Variants in PHKB observed in about 807,000 individuals in gnomAD.
The protein encoded by PHKB is phosphorylase b kinase regulatory subunit beta.
PHKB carries 122 observed loss-of-function variants against 152.1 expected under a neutral mutation model. That is an observed-to-expected ratio of 0.80 (90% CI 0.69 to 0.93). The LOEUF (loss-of-function observed/expected upper bound fraction) is 0.93, where lower values mean the gene tolerates loss of function less well. Ranked by LOEUF, PHKB falls within the 40% of genes least tolerant of loss-of-function variation. The probability of loss-of-function intolerance (pLI) is 0.00; values close to 1 mark genes in which losing one functional copy is unlikely to be tolerated. For missense variants in PHKB, 1,304 were observed against 1,328.4 expected (o/e 0.98, Z 0.29); for synonymous variants, 436 against 464.9 (o/e 0.94, Z 0.80).
chr16:47,602,022 G>A (rs1972236913), intron 13 of PHKB, among the ~76,000 whole-genome samples: 1 of 152,098 alleles, frequency 6.6e-6, no homozygotes, highest in Non-Finnish European at 1.5e-5. Flanking sequence ...CAAACTCCCA[G>A]AATACTCAGG....
intron 6 of PHKB, among the ~76,000 whole-genome samples, chr16:47,541,307 C>T (rs1326546311): frequency 6.6e-6 from 1 of 152,170 alleles, no homozygotes; most frequent in Non-Finnish European, 1.5e-5. Context: ...TCATCCATGT[C>T]CCCGCAAAGG....
At chr16:47,680,377 T>C (rs1050501163) in intron 26 of PHKB, among the ~76,000 whole-genome samples, 27 of 152,146 alleles carry the variant, frequency 1.8e-4, no homozygotes, top group African/African-American at 5.3e-4. Flanking sequence ...TGGTAGAATT[T>C]GGCTGTGAAT....
chr16:47,633,112 T>A (rs1170843140), intron 14 of PHKB, among the ~76,000 whole-genome samples: 2 of 152,338 alleles, frequency 1.3e-5, no homozygotes, highest in Admixed American at 1.3e-4. Flanking sequence ...AAATTTTGAA[T>A]GAGAATATTT....
chr16:47,593,540 T>C lies in PHKB; in HGVS notation c.1109T>C (p.Leu370Pro). ...GAATGTGAATTTCCCATATTTTTCC[T>C]TTATATGATGATTGATGGTAAGTAA... Reference protein sequence around the residue: ...GIECEFPIFFLYMMIDGVFRG... With the variant: ...GIECEFPIFFPYMMIDGVFRG... Residue 370 changes from leucine (L) to proline (P), a missense_variant, in exon 11 of 31, where the codon CTT becomes CCT. Transcript: ENST00000323584. 1 of 1,501,868 alleles carries C rather than the reference T, an allele frequency of 6.7e-7. No homozygotes were observed. The highest frequency in any genetic ancestry group is 9.3e-7 in the Non-Finnish European group (1 of 1,078,118). The allele number at this position is 1,501,868 out of a possible 1,614,324, so 93.0% of individuals were successfully genotyped here.
At chr16:47,469,248 A>G (rs1465715108) in intron 1 of PHKB, among the ~76,000 whole-genome samples, 1 of 152,204 alleles carries the variant, frequency 6.6e-6, no homozygotes, top group African/African-American at 2.4e-5. Flanking sequence ...ACAGTGTCAT[A>G]ATATGGTTAT....
At chr16:47,696,583 T>C (rs1226108079) in intron 29 of PHKB, 95 bp downstream of exon 29, 1 of 772,186 alleles carries the variant, frequency 1.3e-6, no homozygotes, top group African/African-American at 1.7e-5. Context: ...CCCAGAATCC[T>C]ATTCTTTCCA....
chr16:47,678,066 A>G (rs1248244526), intron 26 of PHKB, among the ~76,000 whole-genome samples: 8 of 151,946 alleles, frequency 5.3e-5, no homozygotes, highest in African/African-American at 1.9e-4. Context: ...GATGGTTTCC[A>G]GTTTCATCCA....
Position 47,698,571 on chromosome 16 carries a change from A to C in PHKB, c.3127A>C (p.Lys1043Gln). The change falls in exon 30 of 31, where the codon AAG (lysine) becomes CAG (glutamine). Residue 1043 changes from lysine (K) to glutamine (Q), a missense_variant. Transcript: ENST00000323584. ...NEFQKDQSRL[K>Q]EIEKQDDMTS... Reference sequence around the variant, plus strand: ...ATTTCAAAAAGATCAGAGTCGGCTAAAGGAAATTGAAAAACAAGTAAGTAC... The same window carrying C: ...ATTTCAAAAAGATCAGAGTCGGCTACAGGAAATTGAAAAACAAGTAAGTAC... 3 of 1,604,192 alleles carry C rather than the reference A, an allele frequency of 1.9e-6. No individual in the cohort carries two copies. In the South Asian group the frequency reaches 3.3e-5, roughly 18 times the overall value.
chr16:47,683,462 G>T (rs1204252850), intron 26 of PHKB, among the ~76,000 whole-genome samples: 1 of 152,214 alleles, frequency 6.6e-6, no homozygotes, highest in African/African-American at 2.4e-5. Flanking sequence ...CCTTGGCAAT[G>T]GCAGGCACCC....
chr16:47,505,148 G>A (rs992790158), intron 4 of PHKB, among the ~76,000 whole-genome samples: 1 of 152,192 alleles, frequency 6.6e-6, no homozygotes. Context: ...AATGATTGGA[G>A]GTTTTACGAC....
intron 25 of PHKB, among the ~76,000 whole-genome samples, chr16:47,666,820 A>G (rs973363405): frequency 2.6e-5 from 4 of 152,306 alleles, no homozygotes; most frequent in South Asian, 4.1e-4. Context: ...TTTGTTTTCT[A>G]TAAGCTCTAA....
intron 16 of PHKB, among the ~76,000 whole-genome samples, chr16:47,647,590 T>C (rs950868772): frequency 6.6e-6 from 1 of 151,930 alleles, no homozygotes; most frequent in Non-Finnish European, 1.5e-5. Context: ...TTCTGCCTCC[T>C]GGGTTCATGC....
chr16:47,692,325 G>C (rs1034805383), intron 27 of PHKB, among the ~76,000 whole-genome samples: 1 of 152,108 alleles, frequency 6.6e-6, no homozygotes, highest in South Asian at 2.1e-4. Flanking sequence ...TGTAAAAAAC[G>C]TGTATCTGGG....
intron 26 of PHKB, among the ~76,000 whole-genome samples, chr16:47,671,975 A>G (rs973787365): frequency 2.0e-5 from 3 of 152,164 alleles, no homozygotes; most frequent in Non-Finnish European, 2.9e-5. Context: ...TACCATACAT[A>G]TATCTGTGTA....
At chr16:47,677,957 C>T (rs1479331128) in intron 26 of PHKB, among the ~76,000 whole-genome samples, 1 of 131,492 alleles carries the variant, frequency 7.6e-6, no homozygotes, top group Non-Finnish European at 1.6e-5. Flanking sequence ...GTGTGATATT[C>T]CCCTTCCTGT....
intron 6 of PHKB, among the ~76,000 whole-genome samples, chr16:47,516,513 G>A (rs1970600176): frequency 6.6e-6 from 1 of 152,146 alleles, no homozygotes; most frequent in African/African-American, 2.4e-5. Context: ...AGCTTTTATT[G>A]TTTGGTACAT....
At chr16:47,693,651 C>T in intron 28 of PHKB, 144 bp downstream of exon 28, 3 of 951,414 alleles carry the variant, frequency 3.2e-6, no homozygotes, top group South Asian at 1.5e-5. Flanking sequence ...GAAAATAAGA[C>T]ATCTAATCAA....
At chr16:47,652,041 T>C (rs1237101925) in intron 20 of PHKB, among the ~76,000 whole-genome samples, 1 of 152,118 alleles carries the variant, frequency 6.6e-6, no homozygotes. Context: ...TTTTCTTTTT[T>C]TTCTTCAATT....
chr16:47,661,421 A>C (rs72800683), intron 22 of PHKB, among the ~76,000 whole-genome samples: 145 of 152,256 alleles, frequency 9.5e-4, no homozygotes, highest in Non-Finnish European at 1.4e-3. Context: ...CTTGTAGATA[A>C]AATATTTTCT....
Sources: allele counts gnomAD v4.1 joint callset (sites outside exome capture counted in the v4.1 genomes callset), GRCh38; gene constraint gnomAD v4.1.1; transcripts MANE v1.5; gene names NCBI Gene and HGNC (gene_info 2026-07-23, HGNC 2026-07-21).